The following ADAMTS3 variants were observed in gnomAD, a reference collection of about 807,000 sequenced individuals.
The protein encoded by ADAMTS3 is A disintegrin and metalloproteinase with thrombospondin motifs 3.
A neutral mutation model predicts 129.0 loss-of-function variants in ADAMTS3; 73 were observed. That is an observed-to-expected ratio of 0.57 (90% CI 0.47 to 0.69). The LOEUF is 0.69. ADAMTS3 is among the 30% of genes least tolerant of loss of function. The probability of loss-of-function intolerance (pLI) is 0.00; values close to 1 mark genes in which losing one functional copy is unlikely to be tolerated. For synonymous variants in ADAMTS3, 477 were observed against 510.8 expected, an observed-to-expected ratio of 0.93 and a Z score of 0.89; for missense variants, 1,457 against 1,514.5, an observed-to-expected ratio of 0.96 and a Z score of 0.63.
intron 3 of ADAMTS3, among the ~76,000 whole-genome samples, chr4:72,483,048 T>C (rs1395321182): frequency 6.6e-6 from 1 of 152,142 alleles, no homozygotes; most frequent in African/African-American, 2.4e-5. Context: ...TAACGTCCTA[T>C]CAACCATTAT....
intron 3 of ADAMTS3, among the ~76,000 whole-genome samples, chr4:72,471,659 G>C (rs1719076858): frequency 6.6e-6 from 1 of 151,788 alleles, no homozygotes; most frequent in African/African-American, 2.4e-5. Context: ...GCAAGAAAAA[G>C]GTTGGTGAAA....
chr4:72,353,425 T>C (rs751446613), intron 4 of ADAMTS3, among the ~76,000 whole-genome samples: 15 of 152,024 alleles, frequency 9.9e-5, no homozygotes, highest in Non-Finnish European at 1.8e-4. Flanking sequence ...ACAGTGGCTT[T>C]CTGTAGCAGG....
chr4:72,511,342 A>C (rs1720309185), intron 3 of ADAMTS3, among the ~76,000 whole-genome samples: 1 of 152,184 alleles, frequency 6.6e-6, no homozygotes, highest in Non-Finnish European at 1.5e-5. Flanking sequence ...GAATGGGAGA[A>C]AACATCTGCA....
chr4:72,448,351 T>C (rs1332278023), intron 3 of ADAMTS3, among the ~76,000 whole-genome samples: 1 of 151,822 alleles, frequency 6.6e-6, no homozygotes, highest in Non-Finnish European at 1.5e-5. Context: ...ATGTAATTTC[T>C]GTGATTCAGA....
At position 72,320,759 on chromosome 4, in the gene ADAMTS3, CA is replaced by C; in HGVS notation, c.1056del (p.His352GlnfsTer5). ...SDLNHSEHHDHAIFLTRQDFG... is the reference protein window; with the variant it reads ...SDLNHSEHHDXAIFLTRQDFG... ...AAGTCTTGCCTGGTTAAAAAAATTG[CA>C]TGGTCATGGTGTTCAGAGTGGTTGA... On this transcript the variant is annotated frameshift_variant, in exon 7 of 22. Transcript: ENST00000286657. LOFTEE classifies it high-confidence loss of function. 6.2e-7 allele frequency: 1 copy of C among 1,613,884 alleles called. No homozygotes were observed. The highest frequency in any genetic ancestry group is 8.5e-7 in the Non-Finnish European group (1 of 1,179,862).
chr4:72,305,938 C>T, intron 16 of ADAMTS3, 49 bp downstream of exon 16: 2 of 1,469,314 alleles, frequency 1.4e-6, no homozygotes, highest in Non-Finnish European at 1.9e-6. Context: ...TTTGACATTT[C>T]AATGTTTCAG....
chr4:72,285,366 C>CTCT (rs111648152), intron 21 of ADAMTS3, among the ~76,000 whole-genome samples: 2,590 of 152,182 alleles, frequency 0.017, 77 homozygotes, highest in African/African-American at 0.059. Context: ...TAAATATTTT[C>CTCT]TCATGTGTGA....
chr4:72,430,542 C>T (rs572123036), intron 3 of ADAMTS3, among the ~76,000 whole-genome samples: 2 of 152,088 alleles, frequency 1.3e-5, no homozygotes, highest in Admixed American at 1.3e-4. Context: ...GGCGAGGAAC[C>T]CAGACTTTCT....
At position 72,306,053 on chromosome 4, in the gene ADAMTS3, A is replaced by G. The variant is rs768363549; in HGVS notation, c.2194T>C (p.Phe732Leu). Reference protein sequence around the residue: ...TPRKLGYLKMFDIPPGARHVL... With the variant: ...TPRKLGYLKMLDIPPGARHVL... ...TGTCTAGCCCCAGGGGGTATATCAAACATCTTAAGGTACCCTTTGCATGTG... is the reference window on the plus strand; with the variant it reads ...TGTCTAGCCCCAGGGGGTATATCAAGCATCTTAAGGTACCCTTTGCATGTG... The change falls in exon 16 of 22, where the codon TTT becomes CTT. Residue 732 changes from phenylalanine to leucine, a missense_variant. Transcript: ENST00000286657. 3 of 1,606,216 alleles carry G rather than the reference A, an allele frequency of 1.9e-6. No individual in the cohort carries two copies. Among genetic ancestry groups the G allele is most frequent in the Non-Finnish European group, 2.5e-6 (3 of 1,176,738 alleles).
chr4:72,436,969 A>G (rs1295284256), intron 3 of ADAMTS3, among the ~76,000 whole-genome samples: 1 of 152,066 alleles, frequency 6.6e-6, no homozygotes, highest in Non-Finnish European at 1.5e-5. Flanking sequence ...ACAAACCTGC[A>G]CGTTGTGCAC....
intron 10 of ADAMTS3, among the ~76,000 whole-genome samples, chr4:72,317,570 T>G (rs759011583): frequency 6.6e-6 from 1 of 152,056 alleles, no homozygotes; most frequent in East Asian, 1.9e-4. Context: ...CTTTAATGGA[T>G]TCCATTTAAC....
At chr4:72,355,816 C>A (rs1253325482) in intron 4 of ADAMTS3, among the ~76,000 whole-genome samples, 1 of 151,936 alleles carries the variant, frequency 6.6e-6, no homozygotes, top group Non-Finnish European at 1.5e-5. Context: ...GCACAAATGA[C>A]TAAAGAGAAA....
At chr4:72,430,077 T>C (rs1722660608) in intron 3 of ADAMTS3, among the ~76,000 whole-genome samples, 1 of 151,988 alleles carries the variant, frequency 6.6e-6, no homozygotes, top group African/African-American at 2.4e-5. Flanking sequence ...ATCCCATGAA[T>C]CAAATTAGGT....
At chr4:72,391,974 A>C (rs897419834) in intron 4 of ADAMTS3, among the ~76,000 whole-genome samples, 2 of 152,226 alleles carry the variant, frequency 1.3e-5, no homozygotes, top group African/African-American at 4.8e-5. Flanking sequence ...CAATTTAAAA[A>C]ATGCTGTACT....
At position 72,290,804 on chromosome 4, in the gene ADAMTS3, C is replaced by T. The variant is rs151073481; in HGVS notation, c.2931+51G>A. The T allele has an allele frequency of 4.5e-4, 709 of 1,563,338 alleles. 1 individual carries two copies. Among genetic ancestry groups the T allele is most frequent in the Non-Finnish European group, 5.7e-4 (646 of 1,136,684 alleles). Reference sequence around the variant, plus strand: ...TTTAAGCCAAATTAAAATATCTACACATGCTTACACACACACTTTACTTAT... The same window carrying T: ...TTTAAGCCAAATTAAAATATCTACATATGCTTACACACACACTTTACTTAT... On this transcript the variant is annotated intron_variant, in intron 20 of 21. Coordinates refer to ENST00000286657, the MANE Select transcript of ADAMTS3 (RefSeq NM_014243.3).
chr4:72,506,481 T>TC (rs2110029341), intron 3 of ADAMTS3, among the ~76,000 whole-genome samples: 1 of 152,300 alleles, frequency 6.6e-6, no homozygotes, highest in Non-Finnish European at 1.5e-5. Flanking sequence ...AGCAAGCAGT[T>TC]CAATTGCTGG....
In ADAMTS3 at chr4:72,547,220, G is replaced by A. The variant is rs896105155; in HGVS notation, c.504+1258C>T. On this transcript the variant is annotated intron_variant, in intron 3 of 21. Transcript: ENST00000286657. Reference sequence around the variant, plus strand: ...TTACCTATAATTAGGGCAGACTAGAGCAAGGATAAAGCTGTAATTGGTAAA... The same window carrying A: ...TTACCTATAATTAGGGCAGACTAGAACAAGGATAAAGCTGTAATTGGTAAA... 7.9e-5 allele frequency among the ~76,000 whole-genome samples: 12 copies of A among 152,158 alleles called. 1 individual carries two copies. The highest frequency in any genetic ancestry group is 7.2e-4 in the Admixed American group (11 of 15,264).
At chr4:72,310,997 C>G (rs767690184) in intron 14 of ADAMTS3, 51 bp downstream of exon 14, 1 of 1,483,074 alleles carries the variant, frequency 6.7e-7, no homozygotes, top group African/African-American at 1.4e-5. Flanking sequence ...AGATGAATGA[C>G]AGTAAACGTA....
chr4:72,508,017 T>C (rs1357238845), intron 3 of ADAMTS3, among the ~76,000 whole-genome samples: 2 of 152,194 alleles, frequency 1.3e-5, no homozygotes, highest in Non-Finnish European at 2.9e-5. Context: ...GTAAAATGCA[T>C]AATAACATGG....
Sources: allele counts gnomAD v4.1 joint callset (sites outside exome capture counted in the v4.1 genomes callset), GRCh38; gene constraint gnomAD v4.1.1; transcripts MANE v1.5; gene names NCBI Gene and HGNC (gene_info 2026-07-23, HGNC 2026-07-21).